CNTNAP1: variants seen among roughly 807,000 people sequenced by gnomAD.
CNTNAP1 encodes contactin associated protein 1, also known as contactin-associated protein 1.
In CNTNAP1, 80 loss-of-function variants were observed where a neutral mutation model predicts 161.5. The observed-to-expected ratio is 0.50, with a 90% CI of 0.41 to 0.60. The LOEUF is 0.60. Among genes scored for constraint, CNTNAP1 ranks in the 20% least tolerant of loss-of-function variants. The pLI, the probability that CNTNAP1 is intolerant of heterozygous loss-of-function variation, is 0.00. For synonymous variants in CNTNAP1, 695 were observed against 733.1 expected, an observed-to-expected ratio of 0.95 and a Z score of 0.84; for missense variants, 1,464 against 1,854.8, an observed-to-expected ratio of 0.79 and a Z score of 3.87.
At chr17:42,689,194 A>C in intron 10 of CNTNAP1, 147 bp downstream of exon 10, 1 of 789,922 alleles carries the variant, frequency 1.3e-6, no homozygotes, top group South Asian at 1.9e-5. Context: ...TTGATCTCTT[A>C]CCTCCTATTT....
chr17:42,683,205 G>C (rs1322786114), intron 1 of CNTNAP1: 3 of 536,520 alleles, frequency 5.6e-6, no homozygotes, highest in Non-Finnish European at 9.2e-6. Context: ...GTATACTGGT[G>C]ACCGATACTA....
chr17:42,690,112 C>G lies in CNTNAP1; in HGVS notation c.1760C>G (p.Ala587Gly). 6.2e-7 allele frequency: 1 copy of G among 1,613,980 alleles called. No individual in the cohort carries two copies. ...HTPLYKESCE[A>G]YRLSGKTSGN... ...GCTTTGTATAAGGAATCCTGTGAGGCTTATCGGCTCAGTGGGAAAACTTCT... is the reference window on the plus strand; with the variant it reads ...GCTTTGTATAAGGAATCCTGTGAGGGTTATCGGCTCAGTGGGAAAACTTCT... Residue 587 changes from alanine (A) to glycine (G), a missense_variant, in exon 12 of 24, where the codon GCT becomes GGT. Ala to Gly is a moderately conservative substitution (Grantham distance 60). Coordinates refer to ENST00000264638, the MANE Select transcript of CNTNAP1 (RefSeq NM_003632.3).
At position 42,684,996 on chromosome 17, in the gene CNTNAP1, C is replaced by T. The variant is rs892300805; in HGVS notation, c.369C>T (p.Phe123=). ...ACTCTCCTCCACCCCCGCAGACCTT[C>T]TTTGGTAACGTGAACGAGTCGGCGG... The part of the protein sequence containing the change: ...PFYQRGHNST[F]FGNVNESAVV... Residue 123 remains phenylalanine (F), a synonymous_variant, in exon 4 of 24, where the codon TTC becomes TTT. Transcript: ENST00000264638. 8 of 1,607,622 alleles carry T rather than the reference C, an allele frequency of 5.0e-6. No individual in the cohort carries two copies. Among genetic ancestry groups the T allele is most frequent in the East Asian group, 2.2e-5 (1 of 44,870 alleles).
Position 42,687,500 on chromosome 17 carries a change from G to T in CNTNAP1, c.1045-220G>T. 1 of 605,992 alleles carries T rather than the reference G, an allele frequency of 1.7e-6. No homozygotes were observed. Among genetic ancestry groups the T allele is most frequent in the Non-Finnish European group, 2.9e-6 (1 of 345,778 alleles). 37.5% of individuals were successfully genotyped at this position (605,992 alleles called of 1,614,324 possible). A position where few individuals can be genotyped will look rare whatever the true frequency, so the allele number is the denominator to read the frequency against. ...CGAATCGCAGACGGTGGAGATCAGC[G>T]AGAGCAAGCGAGCAGAGTTCCGAGG... On this transcript the variant is annotated intron_variant, in intron 7 of 23. Coordinates refer to ENST00000264638, the MANE Select transcript of CNTNAP1 (RefSeq NM_003632.3). This position sits in a 1 kb window ranked among gnomAD's most constrained non-coding sequence, Gnocchi z 4.7.
rs372383251 is a variant in CNTNAP1 at position 42,698,029 on chromosome 17, C to T, written c.3862+79C>T. 2.2e-5 allele frequency: 34 copies of T among 1,529,216 alleles called. 1 individual carries two copies. In the South Asian group the frequency reaches 2.6e-4, roughly 12 times the overall value. 94.7% of individuals were successfully genotyped at this position (1,529,216 alleles called of 1,614,324 possible). A position where few individuals can be genotyped will look rare whatever the true frequency, so the allele number is the denominator to read the frequency against. On this transcript the variant is annotated intron_variant, in intron 23 of 23. Transcript: ENST00000264638. ...GCATCCTTTCCCTGCCCCTGATCCC[C>T]AAGGCTGCAGGATGGCAAAGGCACT...
In CNTNAP1 at chr17:42,687,610, A is replaced by G; in HGVS notation, c.1045-110A>G. 3 of 1,408,106 alleles carry G rather than the reference A, an allele frequency of 2.1e-6. No homozygotes were observed. The highest frequency in any genetic ancestry group is 1.9e-6 in the Non-Finnish European group (2 of 1,026,726). 87.2% of individuals were successfully genotyped at this position (1,408,106 alleles called of 1,614,324 possible). ...CATGGTTGGAGATCTCACCCCCGCC[A>G]ACACCGAAGGAGGGCGGTGACCAGG... On this transcript the variant is annotated intron_variant, in intron 7 of 23. Coordinates refer to ENST00000264638, the MANE Select transcript of CNTNAP1 (RefSeq NM_003632.3). This position sits in a 1 kb window ranked among gnomAD's most constrained non-coding sequence, Gnocchi z 4.7.
At position 42,696,113 on chromosome 17, in the gene CNTNAP1, C is replaced by T; in HGVS notation, c.3435C>T (p.Ser1145=). The T allele has an allele frequency of 6.2e-7, 1 of 1,614,182 alleles. No individual in the cohort carries two copies. Among genetic ancestry groups the T allele is most frequent in the Non-Finnish European group, 8.5e-7 (1 of 1,180,028 alleles). The change falls in exon 20 of 24, where the codon AGC becomes AGT. Residue 1145 remains serine (S), a synonymous_variant. Transcript: ENST00000264638. ...TRPVTDGQPH[S]INITRVYRNL... ...CAGTGACCGATGGCCAGCCCCATAG[C>T]ATCAATATCACCCGTGTTTACCGGA...
At position 42,687,063 on chromosome 17, in the gene CNTNAP1, G is replaced by T. The variant is rs746089259; in HGVS notation, c.1044+17G>T. 3 of 1,604,856 alleles carry T rather than the reference G, an allele frequency of 1.9e-6. No homozygotes were observed. Among genetic ancestry groups the T allele is most frequent in the Admixed American group, 1.7e-5 (1 of 59,494 alleles). ...ACCTTCGAGGCCAGTGGGCAGGGGGGTCTGGGAGGACAGGATATCAAAGCG... is the reference window on the plus strand; with the variant it reads ...ACCTTCGAGGCCAGTGGGCAGGGGGTTCTGGGAGGACAGGATATCAAAGCG... On this transcript the variant is annotated intron_variant, in intron 7 of 23. Transcript: ENST00000264638. The surrounding 1 kb of genome is among the most constrained non-coding windows in gnomAD (Gnocchi z 4.7).
intron 21 of CNTNAP1, 66 bp downstream of exon 21, chr17:42,697,433 A>T: frequency 6.2e-7 from 1 of 1,608,938 alleles, no homozygotes; most frequent in Non-Finnish European, 8.5e-7. Context: ...ATCCTCAAGG[A>T]AAGTGAAGGC....
intron 3 of CNTNAP1, 47 bp from the exon 4 acceptor site, chr17:42,684,944 A>G (rs2052984363): frequency 1.9e-6 from 3 of 1,592,452 alleles, no homozygotes; most frequent in South Asian, 1.1e-5. Context: ...AATAAAAAAA[A>G]GAAGCAGAGG....
rs760042030 is a variant in CNTNAP1 at position 42,692,028 on chromosome 17, T to A, written c.2530+37T>A. 5.8e-5 allele frequency: 93 copies of A among 1,599,576 alleles called. 2 individuals are homozygous for A. In the Middle Eastern group the frequency reaches 4.5e-3, roughly 77 times the overall value. ...GACTGTGGGAGGGCCTCGGGGTAGA[T>A]GAAAGTGCTGTCTGGGGAGACAGGG... On this transcript the variant is annotated intron_variant, in intron 16 of 23. Transcript: ENST00000264638.
intron 18 of CNTNAP1, among the ~76,000 whole-genome samples, chr17:42,694,506 C>A (rs964265508): frequency 6.6e-6 from 1 of 151,874 alleles, no homozygotes; most frequent in Admixed American, 6.6e-5. Flanking sequence ...GTGGTGCACA[C>A]TTAGGCCTAG....
intron 1 of CNTNAP1, chr17:42,683,367 A>G (rs1365571619): frequency 1.7e-5 from 18 of 1,073,814 alleles, no homozygotes; most frequent in Non-Finnish European, 1.9e-5. Context: ...AAGGCTGGAC[A>G]TGGAGCTGGT....
In CNTNAP1 at chr17:42,684,235, CTGGGCGCCAAGGCGGTAACACT is replaced by C; in HGVS notation, c.363+11_363+32del. 9 of 1,609,404 alleles carry C rather than the reference CTGGGCGCCAAGGCGGTAACACT, an allele frequency of 5.6e-6. No individual in the cohort carries two copies. The highest frequency in any genetic ancestry group is 7.6e-6 in the Non-Finnish European group (9 of 1,176,814). On this transcript the variant is annotated splice_region_variant and intron_variant, in intron 3 of 23. Coordinates refer to ENST00000264638, the MANE Select transcript of CNTNAP1 (RefSeq NM_003632.3). ...ACCAGCGAGGGCACAACTCGGTACT[CTGGGCGCCAAGGCGGTAACACT>C]TGGGGAGCTTCCTCTGCTCCAGGCT...
chr17:42,693,123 A>T (rs2053111541), intron 17 of CNTNAP1, among the ~76,000 whole-genome samples, 174 bp from the exon 18 acceptor site: 1 of 151,304 alleles, frequency 6.6e-6, no homozygotes, highest in Admixed American at 6.6e-5. Context: ...TGCCCAGCTA[A>T]TTTTTTTTGT....
At position 42,688,993 on chromosome 17, in the gene CNTNAP1, G is replaced by A. The variant is rs773195711; in HGVS notation, c.1574G>A (p.Arg525Gln). ...GTCAACCTGACTCTGGTGGAGGGCC[G>A]GCGGCTTGGATTCTATGCTGAGGTC... ...QLVNLTLVEG[R>Q]RLGFYAEVLF... The change falls in exon 10 of 24, where the codon CGG becomes CAG. Residue 525 changes from arginine (R) to glutamine (Q), a missense_variant. By Grantham distance (43) the Arg-to-Gln change is conservative (BLOSUM62 1). Around this residue, in one of 3 missense-constraint regions of CNTNAP1, gnomAD observed 1,383 missense variants for 1,765.0 expected, o/e 0.78. Coordinates refer to ENST00000264638, the MANE Select transcript of CNTNAP1 (RefSeq NM_003632.3). 2.4e-5 allele frequency: 39 copies of A among 1,611,532 alleles called. No homozygotes were observed. The highest frequency in any genetic ancestry group is 1.6e-4 in the Middle Eastern group (1 of 6,070).
Position 42,692,541 on chromosome 17 carries a change from A to G in CNTNAP1, c.2573A>G (p.Asp858Gly). ...TTCGCCTTTGATGTGGGGAATGGGG[A>G]TGAGAACCTCACAGTACACTCAGAC... ...VVFAFDVGNG[D>G]ENLTVHSDDF... The change falls in exon 17 of 24, where the codon GAT (aspartate) becomes GGT (glycine). Residue 858 changes from aspartate (D) to glycine (G), a missense_variant. Asp to Gly is a moderately conservative substitution (Grantham distance 94). Transcript: ENST00000264638. 1.2e-6 allele frequency: 2 copies of G among 1,614,148 alleles called. No homozygotes were observed. The highest frequency in any genetic ancestry group is 2.2e-5 in the South Asian group (2 of 91,082).
chr17:42,693,383 G>T lies in CNTNAP1; in HGVS notation c.2839G>T (p.Ala947Ser). ...NGVTLNLEGRANASEGTSPNC... is the reference protein window; with the variant it reads ...NGVTLNLEGRSNASEGTSPNC... ...AGTGACTCTGAACCTGGAGGGCCGTGCCAATGCCTCTGAGGGTACCTCACC... is the reference window on the plus strand; with the variant it reads ...AGTGACTCTGAACCTGGAGGGCCGTTCCAATGCCTCTGAGGGTACCTCACC... Residue 947 changes from alanine (A) to serine (S), a missense_variant, in exon 18 of 24, where the codon GCC (alanine) becomes TCC (serine). By Grantham distance (99) the Ala-to-Ser change is moderately conservative. Coordinates refer to ENST00000264638, the MANE Select transcript of CNTNAP1 (RefSeq NM_003632.3). 6.2e-7 allele frequency: 1 copy of T among 1,614,222 alleles called. No individual in the cohort carries two copies. Among genetic ancestry groups the T allele is most frequent in the Non-Finnish European group, 8.5e-7 (1 of 1,180,040 alleles).
chr17:42,686,397 A>C (rs2053008752), intron 6 of CNTNAP1, among the ~76,000 whole-genome samples: 1 of 151,360 alleles, frequency 6.6e-6, no homozygotes, highest in African/African-American at 2.4e-5. Flanking sequence ...TTTTTTTTCA[A>C]AGACCTCGCA....
Sources: allele counts gnomAD v4.1 joint callset (sites outside exome capture counted in the v4.1 genomes callset), GRCh38; gene constraint gnomAD v4.1.1; regional missense constraint gnomAD v4.1.1; non-coding constraint Gnocchi (gnomAD v3.1); transcripts MANE v1.5; gene names NCBI Gene and HGNC (gene_info 2026-07-23, HGNC 2026-07-21).